Variants in PRKCE observed in about 807,000 individuals in gnomAD.
PRKCE encodes the protein protein kinase C epsilon.
Under a neutral mutation model 85.4 loss-of-function variants are expected in PRKCE, and 16 were observed. The ratio of observed to expected loss-of-function variants is 0.19; its 90% CI spans 0.13 to 0.28. The LOEUF is 0.28. Among genes scored for constraint, PRKCE ranks in the 10% least tolerant of loss-of-function variants. The pLI, the probability that PRKCE is intolerant of heterozygous loss-of-function variation, is 1.00. For missense variants in PRKCE, 573 were observed against 975.2 expected (o/e 0.59, Z 5.49); for synonymous variants, 388 against 371.5 (o/e 1.04, Z -0.51).
At chr2:45,732,822 G>T (rs924472317) in intron 1 of PRKCE, among the ~76,000 whole-genome samples, 1 of 152,296 alleles carries the variant, frequency 6.6e-6, no homozygotes, top group Admixed American at 6.5e-5. Context: ...AAACCGACAT[G>T]AGTGAACTGT....
At chr2:46,168,982 G>A (rs993500236) in intron 14 of PRKCE, among the ~76,000 whole-genome samples, 5 of 152,282 alleles carry the variant, frequency 3.3e-5, no homozygotes, top group Middle Eastern at 3.4e-3. Flanking sequence ...AGCCTGGTTC[G>A]TGTGTATTGA....
In PRKCE at chr2:45,944,655, A is replaced by ATTTTTTTTTTTT. The variant is rs71394861; in HGVS notation, c.413-31758_413-31747dup. 3.8e-4 allele frequency among the ~76,000 whole-genome samples: 29 copies of ATTTTTTTTTTTT among 75,620 alleles called. 2 individuals are homozygous for ATTTTTTTTTTTT. The highest frequency in any genetic ancestry group is 5.9e-4 in the Non-Finnish European group (25 of 42,428). The allele number at this position is 75,620 out of a possible 152,430, so 49.6% of individuals were successfully genotyped here. A position where few individuals can be genotyped will look rare whatever the true frequency, so the allele number is the denominator to read the frequency against. Reference sequence around the variant, plus strand: ...AGGTGCGTGCCACCATACCCGGCTAATTTTTTTTTTTTTTTTTTTTTTTTT... The same window carrying ATTTTTTTTTTTT: ...AGGTGCGTGCCACCATACCCGGCTAATTTTTTTTTTTTTTTTTTTTTTTTTTTTTTTTTTTTT... On this transcript the variant is annotated intron_variant, in intron 2 of 14. Transcript: ENST00000306156.
At chr2:45,912,366 G>A (rs1697445505) in intron 2 of PRKCE, among the ~76,000 whole-genome samples, 1 of 152,152 alleles carries the variant, frequency 6.6e-6, no homozygotes, top group African/African-American at 2.4e-5. Flanking sequence ...CTGGTGGTGA[G>A]CTCCAGGTAC....
At chr2:45,726,163 A>G (rs1361485600) in intron 1 of PRKCE, among the ~76,000 whole-genome samples, 1 of 152,226 alleles carries the variant, frequency 6.6e-6, no homozygotes, top group Non-Finnish European at 1.5e-5. Flanking sequence ...TTCTGTGAAT[A>G]ACGTTGAAAT....
intron 11 of PRKCE, among the ~76,000 whole-genome samples, chr2:46,135,746 CT>C (rs11417233): frequency 0.12 from 2,371 of 20,282 alleles, 79 homozygotes; most frequent in Middle Eastern, 0.36. Context: ...ACAAATTATG[CT>C]TTTTTTTTTT....
rs78218112 is a variant in PRKCE at position 45,667,914 on chromosome 2, C to A, written c.348+15466C>A. Among the ~76,000 whole-genome samples the A allele has an allele frequency of 5.6e-3, 852 of 152,320 alleles. 9 individuals carry two copies. The highest frequency in any genetic ancestry group is 0.019 in the African/African-American group (790 of 41,572). ...ATGGATTCTAATCCTGGTCCCACCA[C>A]TGAACCAGTCGTGTGACCTTTTGAC... On this transcript the variant is annotated intron_variant, in intron 1 of 14. Coordinates refer to ENST00000306156, the MANE Select transcript of PRKCE (RefSeq NM_005400.3).
chr2:46,023,204 G>C (rs1228227937), intron 10 of PRKCE, among the ~76,000 whole-genome samples: 2 of 151,786 alleles, frequency 1.3e-5, no homozygotes, highest in Admixed American at 1.3e-4. Context: ...TTGGCCAACT[G>C]TTTGTGAAAC....
intron 1 of PRKCE, among the ~76,000 whole-genome samples, chr2:45,826,813 A>G (rs964317531): frequency 3.3e-5 from 5 of 152,106 alleles, no homozygotes; most frequent in African/African-American, 1.2e-4. Flanking sequence ...ACTACGTGCA[A>G]TCCCGCAGCA....
intron 1 of PRKCE, among the ~76,000 whole-genome samples, chr2:45,820,603 G>A (rs1689452226): frequency 6.6e-6 from 1 of 152,126 alleles, no homozygotes; most frequent in Non-Finnish European, 1.5e-5. Flanking sequence ...TCACAGAGTT[G>A]AAGATTTTTT....
rs1359713641 is a variant in PRKCE at position 46,145,030 on chromosome 2, A to G, written c.1593-63A>G. The G allele has an allele frequency of 6.3e-7, 1 of 1,587,574 alleles. No individual in the cohort carries two copies. Among genetic ancestry groups the G allele is most frequent in the African/African-American group, 1.3e-5 (1 of 74,702 alleles). On this transcript the variant is annotated intron_variant, in intron 11 of 14. Transcript: ENST00000306156. The surrounding 1 kb of genome is among the most constrained non-coding windows in gnomAD (Gnocchi z 4.6). Reference sequence around the variant, plus strand: ...TCCCTAAGATAGGCACATACCTCCAACTCAGGAAGACTATATTGGGGTGAG... The same window carrying G: ...TCCCTAAGATAGGCACATACCTCCAGCTCAGGAAGACTATATTGGGGTGAG...
intron 2 of PRKCE, among the ~76,000 whole-genome samples, chr2:45,891,452 C>A (rs1695715507): frequency 6.6e-6 from 1 of 152,198 alleles, no homozygotes; most frequent in African/African-American, 2.4e-5. Flanking sequence ...TGCTCCCATC[C>A]TGATGCTGGC....
intron 2 of PRKCE, among the ~76,000 whole-genome samples, chr2:45,879,799 G>A (rs1034258094): frequency 1.3e-5 from 2 of 152,220 alleles, no homozygotes; most frequent in Non-Finnish European, 2.9e-5. Flanking sequence ...TACTGGTGAT[G>A]TTTTGATACA....
intron 10 of PRKCE, among the ~76,000 whole-genome samples, chr2:46,013,176 T>C (rs183771581): frequency 7.9e-5 from 12 of 152,362 alleles, no homozygotes; most frequent in African/African-American, 2.6e-4. Context: ...AATCAGCTTA[T>C]AAACCTTCAA....
chr2:46,100,152 G>A (rs1671067493), intron 11 of PRKCE, among the ~76,000 whole-genome samples: 1 of 152,146 alleles, frequency 6.6e-6, no homozygotes, highest in African/African-American at 2.4e-5. Flanking sequence ...CTGAAAATCT[G>A]TCTCAAAATT....
intron 10 of PRKCE, among the ~76,000 whole-genome samples, chr2:46,052,156 T>C (rs1465731982): frequency 6.6e-6 from 1 of 152,220 alleles, no homozygotes; most frequent in Non-Finnish European, 1.5e-5. Context: ...CAGTCCCTTC[T>C]TCCTTCCAGT....
chr2:45,784,464 A>C (rs550761205), intron 1 of PRKCE, among the ~76,000 whole-genome samples: 3 of 152,358 alleles, frequency 2.0e-5, no homozygotes, highest in East Asian at 1.9e-4. Flanking sequence ...TTGGCAAATC[A>C]GTGCTATAAT....
intron 1 of PRKCE, among the ~76,000 whole-genome samples, chr2:45,798,189 T>A (rs577445871): frequency 3.7e-4 from 56 of 152,252 alleles, no homozygotes; most frequent in African/African-American, 1.3e-3. Flanking sequence ...CTCCATTGGA[T>A]TAGGCTAAAC....
rs116551557 is a variant in PRKCE, at chr2:45,700,077, G to C, written c.348+47629G>C. ...GAAGGCACGAGCCACAAGATGAACG[G>C]GGGCAGTTAACTAACCAGGCCGCCT... is the stretch of plus-strand genomic sequence containing the variant. On this transcript the variant is annotated intron_variant, in intron 1 of 14. Transcript: ENST00000306156. 3.4e-3 allele frequency among the ~76,000 whole-genome samples: 517 copies of C among 152,098 alleles called. 4 individuals are homozygous for C. The highest frequency in any genetic ancestry group is 0.012 in the African/African-American group (502 of 41,480).
At chr2:45,964,265 G>C (rs1367189798) in intron 2 of PRKCE, among the ~76,000 whole-genome samples, 1 of 152,232 alleles carries the variant, frequency 6.6e-6, no homozygotes, top group Non-Finnish European at 1.5e-5. Flanking sequence ...GCTGTCCACA[G>C]GCCCGTTTTA....
Sources: allele counts gnomAD v4.1 joint callset (sites outside exome capture counted in the v4.1 genomes callset), GRCh38; gene constraint gnomAD v4.1.1; non-coding constraint Gnocchi (gnomAD v3.1); transcripts MANE v1.5; gene names NCBI Gene and HGNC (gene_info 2026-07-23, HGNC 2026-07-21).